Variants in CHST12 observed in about 807,000 individuals in gnomAD.
CHST12 encodes the protein carbohydrate (chondroitin 4) sulfotransferase 12.
CHST12 carries 23 observed loss-of-function variants against 27.9 expected under a neutral mutation model. The observed-to-expected ratio is 0.82, with a 90% CI of 0.59 to 1.17. The LOEUF is 1.17. CHST12 is among the 50% of genes most tolerant of loss of function. The pLI is 0.00. For synonymous variants in CHST12, 322 were observed against 273.0 expected (o/e 1.18, Z -1.77); for missense variants, 682 against 603.0 (o/e 1.13, Z -1.37).
In CHST12 at chr7:2,433,048, C is replaced by T. The variant is rs753549450; in HGVS notation, c.409C>T (p.Leu137=). 31 of 1,611,782 alleles carry T rather than the reference C, an allele frequency of 1.9e-5. No homozygotes were observed. Among genetic ancestry groups the T allele is most frequent in the East Asian group, 1.8e-4 (8 of 44,874 alleles). Reference sequence around the variant, plus strand: ...GCGGGGCTTCTGCGCCAACTCCAGCCTGGCCTTCCCCACCAAGGAGCGCGC... The same window carrying T: ...GCGGGGCTTCTGCGCCAACTCCAGCTTGGCCTTCCCCACCAAGGAGCGCGC... ...VLRGFCANSS[L]AFPTKERAFD... The change falls in exon 2 of 2, where the codon CTG becomes TTG. Residue 137 remains leucine (L), a synonymous_variant. Transcript: ENST00000618655. This position sits in a 1 kb window ranked among gnomAD's most constrained non-coding sequence, Gnocchi z 6.1.
At chr7:2,425,203 C>CA (rs144902925) in intron 1 of CHST12, among the ~76,000 whole-genome samples, 1,455 of 71,530 alleles carry the variant, frequency 0.02, 41 homozygotes, top group East Asian at 0.16. Context: ...GACTCCGTCT[C>CA]AAAAAAAAAA....
At chr7:2,432,478 G>A (rs1301621482) in intron 1 of CHST12, 85 bp from the exon 2 acceptor site, 4 of 837,342 alleles carry the variant, frequency 4.8e-6, no homozygotes, top group South Asian at 1.8e-5. Flanking sequence ...TGCTCCTCCG[G>A]ACCCCAGTCC....
chr7:2,423,346 C>A (rs1426774132), intron 1 of CHST12, among the ~76,000 whole-genome samples: 1 of 152,040 alleles, frequency 6.6e-6, no homozygotes, highest in Non-Finnish European at 1.5e-5. Flanking sequence ...GTATTGAAAG[C>A]TGGTACAGGA....
chr7:2,410,263 G>A (rs1329567815), intron 1 of CHST12, among the ~76,000 whole-genome samples: 1 of 152,196 alleles, frequency 6.6e-6, no homozygotes, highest in Non-Finnish European at 1.5e-5. Flanking sequence ...AGATGCTACT[G>A]TAAGCCTTGA....
chr7:2,432,547 G>C lies in CHST12; in HGVS notation c.-77-16G>C, dbSNP rs1782299842. 7.3e-7 allele frequency: 1 copy of C among 1,373,400 alleles called. No individual in the cohort carries two copies. The highest frequency in any genetic ancestry group is 1.4e-5 in the African/African-American group (1 of 69,440). 85.1% of individuals were successfully genotyped at this position (1,373,400 alleles called of 1,614,324 possible). On this transcript the variant is annotated splice_polypyrimidine_tract_variant and intron_variant, in intron 1 of 1. Transcript: ENST00000618655. ...GTGCACCTCAGTCATTAACTAGTGTGTCATTGCATCTGCAGGTTCCCAGCA... is the reference window on the plus strand; with the variant it reads ...GTGCACCTCAGTCATTAACTAGTGTCTCATTGCATCTGCAGGTTCCCAGCA...
At position 2,433,319 on chromosome 7, in the gene CHST12, C is replaced by T. The variant is rs1439296119; in HGVS notation, c.680C>T (p.Ser227Phe). The part of the protein sequence containing the change: ...NKFWRRYGKL[S>F]RHLMKVKLKK... ...TTCTGGCGCCGCTACGGGAAGCTCT[C>T]CCGCCACCTCATGAAGGTCAAGCTC... Residue 227 changes from serine (S) to phenylalanine (F), a missense_variant, in exon 2 of 2, where the codon TCC (serine) becomes TTC (phenylalanine). Physicochemically the swap from Ser to Phe is radical, Grantham distance 155. Transcript: ENST00000618655. This position sits in a 1 kb window ranked among gnomAD's most constrained non-coding sequence, Gnocchi z 6.1. The T allele has an allele frequency of 1.9e-6, 3 of 1,612,672 alleles. No homozygotes were observed. Among genetic ancestry groups the T allele is most frequent in the Admixed American group, 1.7e-5 (1 of 60,006 alleles).
intron 1 of CHST12, among the ~76,000 whole-genome samples, chr7:2,408,755 G>T (rs1278071636): frequency 6.6e-6 from 1 of 152,174 alleles, no homozygotes; most frequent in Non-Finnish European, 1.5e-5. Flanking sequence ...CCCCAGATGA[G>T]GCAGTAAGTC....
At chr7:2,414,639 G>T (rs1439063574) in intron 1 of CHST12, among the ~76,000 whole-genome samples, 1 of 152,172 alleles carries the variant, frequency 6.6e-6, no homozygotes, top group Non-Finnish European at 1.5e-5. Context: ...TTTTGATAAA[G>T]TCCAATTTAC....
At chr7:2,425,490 T>C (rs1261404947) in intron 1 of CHST12, among the ~76,000 whole-genome samples, 1 of 152,094 alleles carries the variant, frequency 6.6e-6, no homozygotes, top group Non-Finnish European at 1.5e-5. Flanking sequence ...AAGAAAGAGA[T>C]AGGATCTGGC....
At position 2,441,715 on chromosome 7, in the gene CHST12, G is replaced by GCCTTTTTTTTT. The variant is rs1782610877; in HGVS notation, c.*7831_*7832insCCTTTTTTTTT. 4.0e-5 allele frequency: 6 copies of GCCTTTTTTTTT among 149,266 alleles called. No homozygotes were observed. In the South Asian group the frequency reaches 6.5e-4, roughly 16 times the overall value. 9.2% of individuals were successfully genotyped at this position (149,266 alleles called of 1,614,324 possible). On this transcript the variant is annotated 3_prime_UTR_variant, in exon 2 of 2. Coordinates refer to ENST00000618655, the MANE Select transcript of CHST12 (RefSeq NM_018641.5). Reference sequence around the variant, plus strand: ...CTTAAAAAAAAAAAAAAAAAAAAAGGTGTTGTATTTTATCATTAGAAGGCC... The same window carrying GCCTTTTTTTTT: ...CTTAAAAAAAAAAAAAAAAAAAAAGGCCTTTTTTTTTTGTTGTATTTTATCATTAGAAGGCC...
rs1782374195 is a variant in CHST12, at chr7:2,433,631, C to G, written c.992C>G (p.Pro331Arg). 22 of 1,613,642 alleles carry G rather than the reference C, an allele frequency of 1.4e-5. No homozygotes were observed. Among genetic ancestry groups the G allele is most frequent in the Non-Finnish European group, 1.9e-5 (22 of 1,180,024 alleles). The part of the protein sequence containing the change: ...HWRQVYRLCH[P>R]CQIDYDFVGK... ...CGGCAGGTGTACCGCCTCTGCCACC[C>G]GTGCCAGATCGACTACGACTTCGTG... The change falls in exon 2 of 2, where the codon CCG becomes CGG. Residue 331 changes from proline to arginine, a missense_variant. Physicochemically the swap from Pro to Arg is moderately radical, Grantham distance 103. Transcript: ENST00000618655. The surrounding 1 kb of genome is among the most constrained non-coding windows in gnomAD (Gnocchi z 6.1).
rs969662600 is a variant in CHST12, at chr7:2,448,060, A to T, written c.*14176A>T. 2 of 148,848 alleles carry T rather than the reference A, an allele frequency of 1.3e-5. No individual in the cohort carries two copies. Among genetic ancestry groups the T allele is most frequent in the African/African-American group, 2.5e-5 (1 of 40,244 alleles). 9.2% of individuals were successfully genotyped at this position (148,848 alleles called of 1,614,324 possible). A position where few individuals can be genotyped will look rare whatever the true frequency, so the allele number is the denominator to read the frequency against. ...TTTTTCTCTTTTTAGTAGAGACAGG[A>T]TTTCGCCATGTGGGTCGGGCTGGTC... On this transcript the variant is annotated 3_prime_UTR_variant, in exon 2 of 2. Transcript: ENST00000618655.
intron 1 of CHST12, among the ~76,000 whole-genome samples, chr7:2,424,028 G>C (rs890542486): frequency 6.6e-6 from 1 of 152,130 alleles, no homozygotes; most frequent in Non-Finnish European, 1.5e-5. Flanking sequence ...CTCCAGCCTG[G>C]GCAACAGCGC....
intron 1 of CHST12, among the ~76,000 whole-genome samples, chr7:2,422,075 A>T (rs1193337512): frequency 6.6e-6 from 1 of 152,114 alleles, no homozygotes; most frequent in Admixed American, 6.5e-5. Context: ...GTTCTTAGGT[A>T]CAGAATTCGT....
chr7:2,415,117 C>T (rs1004351937), intron 1 of CHST12, among the ~76,000 whole-genome samples: 1 of 152,208 alleles, frequency 6.6e-6, no homozygotes, highest in African/African-American at 2.4e-5. Context: ...TCAGTCCCTG[C>T]ACTTTGGGAG....
chr7:2,415,676 G>A (rs537433615), intron 1 of CHST12, among the ~76,000 whole-genome samples: 19 of 150,532 alleles, frequency 1.3e-4, no homozygotes, highest in African/African-American at 4.6e-4. Context: ...GCAGTGGCAC[G>A]ATCTTGGCTC....
At chr7:2,415,239 G>A (rs1781772901) in intron 1 of CHST12, among the ~76,000 whole-genome samples, 3 of 151,902 alleles carry the variant, frequency 2.0e-5, no homozygotes, top group Non-Finnish European at 2.9e-5. Context: ...GGTGGTGGGC[G>A]CCTGTAATCC....
rs199719351 is a variant in CHST12 at position 2,437,713 on chromosome 7, AAC to A, written c.*3842_*3843del. 8.9e-3 allele frequency: 1,216 copies of A among 136,246 alleles called. 12 individuals carry two copies. Among genetic ancestry groups the A allele is most frequent in the Non-Finnish European group, 0.013 (875 of 65,268 alleles). The allele number at this position is 136,246 out of a possible 1,614,324, so 8.4% of individuals were successfully genotyped here. On this transcript the variant is annotated 3_prime_UTR_variant, in exon 2 of 2. Coordinates refer to ENST00000618655, the MANE Select transcript of CHST12 (RefSeq NM_018641.5). ...CCTAGCTCTGCCACTTAGGAATCAG[AAC>A]ACACACACACACGCGCGCACACACA... is the stretch of plus-strand genomic sequence containing the variant.
In CHST12 at chr7:2,447,826, A is replaced by C. The variant is rs1443761032; in HGVS notation, c.*13942A>C. ...GAAAACAAGTTTATTAACAAAGTTA[A>C]GAAATAAAGAATGGCTATTCCATAG... On this transcript the variant is annotated 3_prime_UTR_variant, in exon 2 of 2. Transcript: ENST00000618655. 1 of 151,776 alleles carries C rather than the reference A, an allele frequency of 6.6e-6. No homozygotes were observed. The highest frequency in any genetic ancestry group is 1.5e-5 in the Non-Finnish European group (1 of 67,988). The allele number at this position is 151,776 out of a possible 1,614,324, so 9.4% of individuals were successfully genotyped here. A position where few individuals can be genotyped will look rare whatever the true frequency, so the allele number is the denominator to read the frequency against.
Sources: allele counts gnomAD v4.1 joint callset (sites outside exome capture counted in the v4.1 genomes callset), GRCh38; gene constraint gnomAD v4.1.1; non-coding constraint Gnocchi (gnomAD v3.1); transcripts MANE v1.5; gene names NCBI Gene and HGNC (gene_info 2026-07-23, HGNC 2026-07-21).